STARD13: variants seen among roughly 807,000 people sequenced by gnomAD.
The protein encoded by STARD13 is StAR related lipid transfer domain containing 13.
In STARD13, 62 loss-of-function variants were observed where a neutral mutation model predicts 106.4. The ratio of observed to expected loss-of-function variants is 0.58; its 90% CI spans 0.48 to 0.72. The LOEUF (loss-of-function observed/expected upper bound fraction) is 0.72. Ranked by LOEUF, STARD13 falls within the 30% of genes least tolerant of loss-of-function variation. The pLI, the probability that STARD13 is intolerant of heterozygous loss-of-function variation, is 0.00. For missense variants in STARD13, 1,387 were observed against 1,424.0 expected (o/e 0.97, Z 0.42); for synonymous variants, 565 against 553.0 (o/e 1.02, Z -0.31).
At chr13:33,550,114 C>T in the STARD13 span, among the ~76,000 whole-genome samples, 3 of 152,122 alleles carry the variant, frequency 2.0e-5, no homozygotes, top group Non-Finnish European at 4.4e-5. Flanking sequence ...ATGAGAATTT[C>T]TGCTGGATGA....
chr13:33,673,859 CTT>C, the STARD13 span, among the ~76,000 whole-genome samples: 8 of 145,704 alleles, frequency 5.5e-5, no homozygotes, highest in Admixed American at 5.5e-4. Context: ...CTCTTTTACT[CTT>C]TTTTTTTTTC....
chr13:33,179,945 G>T (rs1053881120), intron 1 of STARD13, among the ~76,000 whole-genome samples: 4 of 152,186 alleles, frequency 2.6e-5, no homozygotes, highest in African/African-American at 9.7e-5. Flanking sequence ...TGCCTTCTTG[G>T]AAGTAGAATC....
the STARD13 span, among the ~76,000 whole-genome samples, chr13:33,360,729 T>TCCTTCTGTGTAGACAGAAGG: frequency 1.1e-4 from 1 of 8,774 alleles, no homozygotes; most frequent in Non-Finnish European, 2.5e-4. Context: ...CAGAAGGACA[T>TCCTTCTGTGTAGACAGAAGG]ATTGTTGATC....
the STARD13 span, among the ~76,000 whole-genome samples, chr13:33,647,299 A>G: frequency 6.6e-6 from 1 of 152,222 alleles, no homozygotes; most frequent in African/African-American, 2.4e-5. Flanking sequence ...TTTATCTCCC[A>G]AAACATTTAT....
At position 33,112,723 on chromosome 13, in the gene STARD13, T is replaced by A. The variant is rs1269063595; in HGVS notation, c.2490A>T (p.Pro830=). 4 of 1,592,924 alleles carry A rather than the reference T, an allele frequency of 2.5e-6. No individual in the cohort carries two copies. The highest frequency in any genetic ancestry group is 2.3e-5 in the South Asian group (2 of 86,690). The change falls in exon 9 of 14, where the codon CCA becomes CCT. Residue 830 remains proline, a splice_region_variant and synonymous_variant. Transcript: ENST00000336934. ...HLNLLKKESS[P]RVIQKKYATG... ...TGTTACTGAGAAAAAAAACCCACCG[T>A]GGAGAGCTTTCTTTCTTCAATAAAT... is the stretch of plus-strand genomic sequence containing the variant.
chr13:33,110,768 C>T lies in STARD13; in HGVS notation c.2747G>A (p.Gly916Asp). The change falls in exon 11 of 14, where the codon GGC becomes GAC. Residue 916 changes from glycine to aspartate, a missense_variant. By Grantham distance (94) the Gly-to-Asp change is moderately conservative. Coordinates refer to ENST00000336934, the MANE Select transcript of STARD13 (RefSeq NM_178006.4). ...FHTYLNHLIQ[G>D]LQKEAKEKFK... ...CTTCTCCTTGGCTTCTTTCTGGAGG[C>T]CCTGGATGAGATGGTTCAGGTAAGT... 6.2e-7 allele frequency: 1 copy of T among 1,614,208 alleles called. No homozygotes were observed. The highest frequency in any genetic ancestry group is 8.5e-7 in the Non-Finnish European group (1 of 1,180,038).
At chr13:33,231,848 T>C (rs1386798315) in intron 1 of STARD13, among the ~76,000 whole-genome samples, 3 of 152,174 alleles carry the variant, frequency 2.0e-5, no homozygotes, top group East Asian at 1.9e-4. Flanking sequence ...TATAGGGTCA[T>C]CCCTTGGTAT....
chr13:33,401,604 T>C, the STARD13 span, among the ~76,000 whole-genome samples: 1 of 152,196 alleles, frequency 6.6e-6, no homozygotes, highest in Admixed American at 6.5e-5. Context: ...TACCCAACTT[T>C]CCTTCTTGTC....
the STARD13 span, among the ~76,000 whole-genome samples, chr13:33,364,660 C>A: frequency 6.6e-6 from 1 of 152,238 alleles, no homozygotes; most frequent in African/African-American, 2.4e-5. Flanking sequence ...GAGGCCGAGG[C>A]GGGTGGATCA....
chr13:33,146,855 C>T (rs758032560), intron 3 of STARD13, among the ~76,000 whole-genome samples: 6 of 152,322 alleles, frequency 3.9e-5, no homozygotes, highest in Non-Finnish European at 7.4e-5. Context: ...TTCCTATGCC[C>T]TTTTCCCCAG....
At chr13:33,326,406 C>T (rs1247592367) in intron 1 of STARD13, among the ~76,000 whole-genome samples, 2 of 152,118 alleles carry the variant, frequency 1.3e-5, no homozygotes, top group South Asian at 4.1e-4. Flanking sequence ...TTTTAGTGTA[C>T]GTCAATAAAG....
chr13:33,213,615 G>A (rs1478295329), intron 1 of STARD13, among the ~76,000 whole-genome samples: 2 of 152,210 alleles, frequency 1.3e-5, no homozygotes, highest in African/African-American at 4.8e-5. Context: ...AAAGTCAACA[G>A]TGAGGCAGAA....
chr13:33,129,345 G>A lies in STARD13; in HGVS notation c.1332C>T (p.Pro444=), dbSNP rs775423529. 10 of 1,614,114 alleles carry A rather than the reference G, an allele frequency of 6.2e-6. No homozygotes were observed. Among genetic ancestry groups the A allele is most frequent in the Middle Eastern group, 1.6e-4 (1 of 6,062 alleles). Residue 444 remains proline, a synonymous_variant, in exon 5 of 14, where the codon CCC becomes CCT. Coordinates refer to ENST00000336934, the MANE Select transcript of STARD13 (RefSeq NM_178006.4). ...GREQVPGARE[P]RLMASCHRAS... ...CTCTGTGGCAGGACGCCATGAGCCG[G>A]GGCTCCCTGGCACCAGGGACCTGCT...
At chr13:33,612,660 C>G in the STARD13 span, among the ~76,000 whole-genome samples, 1 of 152,196 alleles carries the variant, frequency 6.6e-6, no homozygotes. Context: ...CATCAGACAG[C>G]CCTGTATATG....
At chr13:33,336,943 T>C (rs368985459) in intron 1 of STARD13, among the ~76,000 whole-genome samples, 23 of 152,128 alleles carry the variant, frequency 1.5e-4, no homozygotes, top group African/African-American at 5.1e-4. Flanking sequence ...TAGCAAAGAC[T>C]GCAATTATTT....
the STARD13 span, among the ~76,000 whole-genome samples, chr13:33,403,493 C>T: frequency 6.6e-6 from 1 of 152,158 alleles, no homozygotes; most frequent in Non-Finnish European, 1.5e-5. Flanking sequence ...GATAGCCATG[C>T]TAATATTAAA....
At chr13:33,116,215 C>T (rs962172419) in intron 8 of STARD13, among the ~76,000 whole-genome samples, 1 of 152,226 alleles carries the variant, frequency 6.6e-6, no homozygotes, top group Non-Finnish European at 1.5e-5. Context: ...ACTGGGCTCT[C>T]CTGACTTCTG....
At chr13:33,285,002 C>T (rs1178768939) in intron 1 of STARD13, among the ~76,000 whole-genome samples, 1 of 152,132 alleles carries the variant, frequency 6.6e-6, no homozygotes, top group Non-Finnish European at 1.5e-5. Flanking sequence ...TAGTGCTTAG[C>T]CTGGTGGCCT....
chr13:33,125,644 C>A (rs907941902), intron 7 of STARD13, among the ~76,000 whole-genome samples: 1 of 107,710 alleles, frequency 9.3e-6, no homozygotes, highest in Non-Finnish European at 1.9e-5. Flanking sequence ...GGTCATGATG[C>A]TGCTTCAAAG....
Sources: allele counts gnomAD v4.1 joint callset (sites outside exome capture counted in the v4.1 genomes callset), GRCh38; gene constraint gnomAD v4.1.1; transcripts MANE v1.5; gene names NCBI Gene and HGNC (gene_info 2026-07-23, HGNC 2026-07-21).